The following RFX3 variants were observed in gnomAD, a reference collection of about 807,000 sequenced individuals.
The protein encoded by RFX3 is regulatory factor X3.
A neutral mutation model predicts 98.6 loss-of-function variants in RFX3; 14 were observed. The observed-to-expected ratio is 0.14, with a 90% CI of 0.09 to 0.22. RFX3 has a LOEUF of 0.22. RFX3 is among the 10% of genes least tolerant of loss of function. The pLI is 1.00. For synonymous variants in RFX3, 383 were observed against 328.4 expected, an observed-to-expected ratio of 1.17 and a Z score of -1.80; for missense variants, 639 against 926.9, an observed-to-expected ratio of 0.69 and a Z score of 4.03.
intron 1 of RFX3, among the ~76,000 whole-genome samples, chr9:3,483,147 C>A (rs1295936133): frequency 6.6e-6 from 1 of 152,178 alleles, no homozygotes; most frequent in East Asian, 1.9e-4. Context: ...GCAGCTACTA[C>A]TCTCAGGGCT....
intron 2 of RFX3, among the ~76,000 whole-genome samples, chr9:3,378,765 A>G (rs1201770597): frequency 2.6e-5 from 4 of 151,954 alleles, no homozygotes; most frequent in Non-Finnish European, 4.4e-5. Context: ...CATGTTGGCC[A>G]GGCTGGTTTC....
chr9:3,247,768 T>C lies in RFX3; in HGVS notation c.1968+264A>G, dbSNP rs76378105. The C allele has an allele frequency of 5.6e-3, 8,775 of 1,580,582 alleles. 418 individuals carry two copies. In the African/African-American group the frequency reaches 0.11, roughly 19 times the overall value. ...CATATTCCAGTGGTTCTCAAGTTTT[T>C]CTTTTACATAGGTACCTGTATAATA... On this transcript the variant is annotated intron_variant, in intron 15 of 16. Transcript: ENST00000617270.
chr9:3,280,426 T>C (rs1825787917), intron 7 of RFX3, among the ~76,000 whole-genome samples: 1 of 151,706 alleles, frequency 6.6e-6, no homozygotes, highest in Non-Finnish European at 1.5e-5. Flanking sequence ...GGATTGGAAC[T>C]TAGAAAAAAT....
chr9:3,262,454 A>G (rs1045731269), intron 13 of RFX3, among the ~76,000 whole-genome samples: 9 of 152,220 alleles, frequency 5.9e-5, no homozygotes, highest in Non-Finnish European at 1.2e-4. Context: ...ACTCTGAAAT[A>G]GAATTGTTCT....
intron 9 of RFX3, among the ~76,000 whole-genome samples, chr9:3,273,007 T>C (rs1824703297): frequency 6.6e-6 from 1 of 152,108 alleles, no homozygotes; most frequent in Non-Finnish European, 1.5e-5. Context: ...CTCAAATAAC[T>C]CTTTCAAAAA....
intron 9 of RFX3, among the ~76,000 whole-genome samples, chr9:3,273,553 T>C (rs557319535): frequency 1.3e-5 from 2 of 152,190 alleles, no homozygotes; most frequent in African/African-American, 2.4e-5. Context: ...TCTTAATAAA[T>C]AGGAGAAATT....
At chr9:3,525,565 T>C (rs1819200113) in intron 1 of RFX3, among the ~76,000 whole-genome samples, 182 bp downstream of exon 1, 1 of 151,832 alleles carries the variant, frequency 6.6e-6, no homozygotes, top group South Asian at 2.1e-4. Context: ...GGGTCCATTG[T>C]AAACAAGCCC....
chr9:3,417,277 G>A (rs900591666), intron 1 of RFX3, among the ~76,000 whole-genome samples: 3 of 151,972 alleles, frequency 2.0e-5, no homozygotes, highest in African/African-American at 4.8e-5. Context: ...CCCTTTTAAT[G>A]ATATAACAAG....
At chr9:3,358,262 C>G (rs10971534) in intron 2 of RFX3, among the ~76,000 whole-genome samples, 2 of 151,804 alleles carry the variant, frequency 1.3e-5, no homozygotes, top group Non-Finnish European at 2.9e-5. Context: ...TCTTGAATAA[C>G]TGGTAAAATT....
intron 7 of RFX3, among the ~76,000 whole-genome samples, chr9:3,285,426 A>T (rs1325312613): frequency 6.6e-6 from 1 of 151,768 alleles, no homozygotes; most frequent in Non-Finnish European, 1.5e-5. Flanking sequence ...GTTTTCAACA[A>T]ATATTCTTAA....
At chr9:3,229,663 A>C (rs528148688) in intron 15 of RFX3, among the ~76,000 whole-genome samples, 26 of 152,352 alleles carry the variant, frequency 1.7e-4, no homozygotes, top group African/African-American at 5.0e-4. Flanking sequence ...AGCTAATCAA[A>C]AAAAGGTGAA....
At chr9:3,317,838 G>C (rs1830802342) in intron 4 of RFX3, among the ~76,000 whole-genome samples, 1 of 152,202 alleles carries the variant, frequency 6.6e-6, no homozygotes, top group Non-Finnish European at 1.5e-5. Context: ...TCTCACACCA[G>C]TTAGAATGGC....
At chr9:3,257,649 A>G (rs1159242902) in intron 13 of RFX3, among the ~76,000 whole-genome samples, 2 of 152,218 alleles carry the variant, frequency 1.3e-5, no homozygotes, top group Non-Finnish European at 2.9e-5. Context: ...CAGACAGATA[A>G]ATAGATAAAA....
intron 14 of RFX3, among the ~76,000 whole-genome samples, chr9:3,252,302 A>G (rs999027341): frequency 1.6e-4 from 24 of 152,318 alleles, no homozygotes; most frequent in African/African-American, 5.8e-4. Context: ...TTGGTTTCAA[A>G]AAAGTTCACG....
At chr9:3,416,333 A>G (rs1842977816) in intron 1 of RFX3, among the ~76,000 whole-genome samples, 1 of 152,212 alleles carries the variant, frequency 6.6e-6, no homozygotes, top group Non-Finnish European at 1.5e-5. Context: ...CATATCTAGC[A>G]AACAAGATTA....
intron 2 of RFX3, among the ~76,000 whole-genome samples, chr9:3,367,606 T>C (rs765545855): frequency 1.3e-5 from 2 of 152,184 alleles, no homozygotes; most frequent in Non-Finnish European, 2.9e-5. Context: ...TCCAAAGGAA[T>C]TGTTACCAAC....
chr9:3,471,829 C>A (rs1848805178), intron 1 of RFX3, among the ~76,000 whole-genome samples: 1 of 152,234 alleles, frequency 6.6e-6, no homozygotes, highest in South Asian at 2.1e-4. Flanking sequence ...GCCTAGAATT[C>A]TGTCTTCACT....
At chr9:3,391,665 T>C (rs935552373) in intron 2 of RFX3, among the ~76,000 whole-genome samples, 2 of 152,198 alleles carry the variant, frequency 1.3e-5, no homozygotes, top group African/African-American at 4.8e-5. Context: ...GAATGAAGTG[T>C]TGGGGGTGGT....
intron 4 of RFX3, among the ~76,000 whole-genome samples, chr9:3,309,361 G>C (rs1829705560): frequency 6.6e-6 from 1 of 152,116 alleles, no homozygotes. Context: ...TATCTCCTGG[G>C]AGACAGAGAC....
Sources: gnomAD v4.1 joint callset for allele counts (sites outside exome capture counted in the v4.1 genomes callset) on GRCh38, gnomAD v4.1.1 for gene constraint, MANE v1.5 for transcripts, NCBI Gene and HGNC (gene_info 2026-07-23, HGNC 2026-07-21) for gene names.